Variants in CFDP1 observed in about 807,000 individuals in gnomAD.
CFDP1 encodes heterochromatin-stabilizing protein CFDP1.
CFDP1 carries 31 observed loss-of-function variants against 40.1 expected under a neutral mutation model. The ratio of observed to expected loss-of-function variants is 0.77; its 90% confidence interval spans 0.58 to 1.04. CFDP1 has a LOEUF of 1.04. Among genes scored for constraint, CFDP1 ranks in the 50% least tolerant of loss-of-function variants. The pLI, the probability that CFDP1 is intolerant of heterozygous loss-of-function variation, is 0.00. For synonymous variants in CFDP1, 167 were observed against 120.0 expected (o/e 1.39, Z -2.56); for missense variants, 423 against 343.4 (o/e 1.23, Z -1.83).
At chr16:75,392,910 T>C (rs920857278) in intron 5 of CFDP1, among the ~76,000 whole-genome samples, 1 of 152,216 alleles carries the variant, frequency 6.6e-6, no homozygotes, top group African/African-American at 2.4e-5. Context: ...TCTTCCTCCA[T>C]AGGTTTCTGT....
At chr16:75,358,113 A>G (rs2078657712) in intron 5 of CFDP1, among the ~76,000 whole-genome samples, 1 of 152,128 alleles carries the variant, frequency 6.6e-6, no homozygotes, top group Non-Finnish European at 1.5e-5. Context: ...TAGTATCACC[A>G]AGGATTACTG....
chr16:75,412,722 T>C lies in CFDP1; in HGVS notation c.215A>G (p.Glu72Gly). The C allele has an allele frequency of 3.7e-6, 6 of 1,613,836 alleles. No homozygotes were observed. Among genetic ancestry groups the C allele is most frequent in the Non-Finnish European group, 5.1e-6 (6 of 1,179,940 alleles). The change falls in exon 3 of 7, where the codon GAA becomes GGA. Residue 72 changes from glutamate to glycine, a missense_variant. Glu to Gly is a moderately conservative substitution (Grantham distance 98). Transcript: ENST00000283882. ...TGAATTGGCATCCTCCTCTTCCTCTTCTTCTAATGAGAGGCCACCTTGTCT... is the reference window on the plus strand; with the variant it reads ...TGAATTGGCATCCTCCTCTTCCTCTCCTTCTAATGAGAGGCCACCTTGTCT... ...KRRQGGLSLE[E>G]EEEEDANSES...
At chr16:75,414,054 T>A (rs2079184274) in intron 2 of CFDP1, among the ~76,000 whole-genome samples, 1 of 152,010 alleles carries the variant, frequency 6.6e-6, no homozygotes, top group Non-Finnish European at 1.5e-5. Context: ...AATCTAAACA[T>A]CCCTCGATAC....
chr16:75,408,773 T>C (rs888108029), intron 4 of CFDP1, among the ~76,000 whole-genome samples: 2 of 151,910 alleles, frequency 1.3e-5, no homozygotes, highest in Non-Finnish European at 2.9e-5. Flanking sequence ...AGACCCTGTC[T>C]CAAAATAATA....
chr16:75,379,903 C>CGA (rs2078839120), intron 5 of CFDP1: 1 of 151,936 alleles, frequency 6.6e-6, no homozygotes. Context: ...TTTGGGAGGC[C>CGA]GAGATGGGCA....
chr16:75,295,047 G>A (rs1476713215), intron 6 of CFDP1, among the ~76,000 whole-genome samples: 1 of 152,208 alleles, frequency 6.6e-6, no homozygotes, highest in African/African-American at 2.4e-5. Flanking sequence ...TGGAAAATGG[G>A]AGACAAAATT....
In CFDP1 at chr16:75,395,130, T is replaced by A. The variant is rs145857741; in HGVS notation, c.610A>T (p.Asn204Tyr). ...AGTGATGGCAGAGCTGAAGGAACATTAGCCTGTGGTTTTTCTTTCTCATTC... is the reference window on the plus strand; with the variant it reads ...AGTGATGGCAGAGCTGAAGGAACATAAGCCTGTGGTTTTTCTTTCTCATTC... ...KQNEKEKPQA[N>Y]VPSALPSLPA... Residue 204 changes from asparagine to tyrosine, a missense_variant, in exon 5 of 7, where the codon AAT (asparagine) becomes TAT (tyrosine). Physicochemically the swap from Asn to Tyr is moderately radical, Grantham distance 143 (BLOSUM62 -2). Transcript: ENST00000283882. 6.2e-7 allele frequency: 1 copy of A among 1,614,004 alleles called. No individual in the cohort carries two copies. Among genetic ancestry groups the A allele is most frequent in the Non-Finnish European group, 8.5e-7 (1 of 1,179,926 alleles).
At chr16:75,365,721 A>T (rs529685155) in intron 5 of CFDP1, among the ~76,000 whole-genome samples, 19 of 152,334 alleles carry the variant, frequency 1.2e-4, no homozygotes, top group African/African-American at 4.6e-4. Context: ...AAAAAAACAA[A>T]CAAAAAACCA....
chr16:75,355,908 T>C (rs1394697639), intron 5 of CFDP1, among the ~76,000 whole-genome samples: 1 of 152,248 alleles, frequency 6.6e-6, no homozygotes, highest in Non-Finnish European at 1.5e-5. Context: ...TATTTCTTCA[T>C]AGCAGTGTGA....
chr16:75,300,166 C>T (rs1165289450), intron 6 of CFDP1, among the ~76,000 whole-genome samples: 2 of 152,110 alleles, frequency 1.3e-5, no homozygotes, highest in Non-Finnish European at 1.5e-5. Flanking sequence ...ATGTCTGCGG[C>T]CTGTACTGGG....
At chr16:75,309,736 C>T (rs907320072) in intron 5 of CFDP1, among the ~76,000 whole-genome samples, 8 of 135,672 alleles carry the variant, frequency 5.9e-5, no homozygotes, top group East Asian at 2.3e-4. Context: ...AGGAGAATGG[C>T]GTGAACCCAG....
At chr16:75,394,542 TG>T (rs1316964560) in intron 5 of CFDP1, 1 of 152,168 alleles carries the variant, frequency 6.6e-6, no homozygotes, top group East Asian at 1.9e-4. Context: ...TATTTTCATT[TG>T]AAAAGTATTA....
chr16:75,333,122 CT>C (rs1281826055), intron 5 of CFDP1, among the ~76,000 whole-genome samples: 8,861 of 87,136 alleles, frequency 0.1, 302 homozygotes, highest in African/African-American at 0.15. Flanking sequence ...TACTCATGTT[CT>C]TTTTTTTTTT....
At chr16:75,312,559 T>C (rs1401983436) in intron 5 of CFDP1, among the ~76,000 whole-genome samples, 1 of 152,194 alleles carries the variant, frequency 6.6e-6, no homozygotes, top group Non-Finnish European at 1.5e-5. Context: ...ATTTGTCTGA[T>C]CTGATTTCAG....
chr16:75,312,183 C>A (rs1022491835), intron 5 of CFDP1, among the ~76,000 whole-genome samples: 2 of 152,088 alleles, frequency 1.3e-5, no homozygotes, highest in African/African-American at 4.8e-5. Context: ...AAGATTAGAC[C>A]CCTCAAGGAA....
chr16:75,378,162 G>A (rs2151545264), intron 5 of CFDP1, among the ~76,000 whole-genome samples: 1 of 152,244 alleles, frequency 6.6e-6, no homozygotes, highest in Admixed American at 6.5e-5. Context: ...ACAGGGATGT[G>A]CGTTGTAAGC....
At chr16:75,410,774 T>G (rs2079153764) in intron 4 of CFDP1, among the ~76,000 whole-genome samples, 1 of 151,098 alleles carries the variant, frequency 6.6e-6, no homozygotes. Flanking sequence ...CCGGGCATGG[T>G]GGTGAGCACC....
intron 5 of CFDP1, among the ~76,000 whole-genome samples, chr16:75,352,495 T>TA (rs1323052927): frequency 6.6e-6 from 1 of 152,146 alleles, no homozygotes; most frequent in Non-Finnish European, 1.5e-5. Flanking sequence ...GAAGAAATGA[T>TA]AAAATTAGAC....
At chr16:75,393,680 G>A (rs1287606068) in intron 5 of CFDP1, among the ~76,000 whole-genome samples, 2 of 142,884 alleles carry the variant, frequency 1.4e-5, no homozygotes, top group African/African-American at 2.7e-5. Flanking sequence ...GCAGTGAGCC[G>A]AGATTGCGCC....
Sources: gnomAD v4.1 joint callset for allele counts (sites outside exome capture counted in the v4.1 genomes callset) on GRCh38, gnomAD v4.1.1 for gene constraint, MANE v1.5 for transcripts, NCBI Gene and HGNC (gene_info 2026-07-23, HGNC 2026-07-21) for gene names.